Variants in FECH observed in about 807,000 individuals in gnomAD.
The protein encoded by FECH is ferrochelatase.
FECH carries 40 observed loss-of-function variants against 56.9 expected under a neutral mutation model. The ratio of observed to expected loss-of-function variants is 0.70; its 90% CI spans 0.55 to 0.92. FECH has a LOEUF of 0.92. FECH is among the 40% of genes least tolerant of loss of function. The probability of loss-of-function intolerance (pLI) is 0.00; values close to 1 mark genes in which losing one functional copy is unlikely to be tolerated. For synonymous variants in FECH, 175 were observed against 198.6 expected (o/e 0.88, Z 1.00); for missense variants, 431 against 529.1 (o/e 0.81, Z 1.82).
chr18:57,554,136 G>T, intron 9 of FECH, 124 bp downstream of exon 9: 1 of 1,032,620 alleles, frequency 9.7e-7, no homozygotes, highest in Non-Finnish European at 1.5e-6. Flanking sequence ...TCAGGAGAAT[G>T]AGGACACCGT....
intron 1 of FECH, among the ~76,000 whole-genome samples, chr18:57,582,465 T>TA (rs1224783299): frequency 6.6e-6 from 1 of 151,628 alleles, no homozygotes; most frequent in Non-Finnish European, 1.5e-5. Flanking sequence ...CCTTCAAACC[T>TA]AAAAAAAGGA....
At chr18:57,561,670 G>T (rs2050945267) in intron 6 of FECH, among the ~76,000 whole-genome samples, 1 of 152,090 alleles carries the variant, frequency 6.6e-6, no homozygotes, top group South Asian at 2.1e-4. Context: ...CTTTTCAAAG[G>T]GCTGAATTTT....
intron 2 of FECH, among the ~76,000 whole-genome samples, chr18:57,575,496 G>A (rs1159933354): frequency 6.6e-6 from 1 of 152,092 alleles, no homozygotes; most frequent in East Asian, 1.9e-4. Flanking sequence ...AGGCTGGAGT[G>A]CAGTTGCACA....
intron 4 of FECH, among the ~76,000 whole-genome samples, chr18:57,568,550 C>T (rs1273002632): frequency 6.6e-6 from 1 of 152,148 alleles, no homozygotes; most frequent in East Asian, 1.9e-4. Flanking sequence ...CTGGCTGTCC[C>T]TGGAAGGATG....
At chr18:57,572,922 C>A (rs768600746) in intron 3 of FECH, 2 of 298,128 alleles carry the variant, frequency 6.7e-6, no homozygotes, top group Non-Finnish European at 1.3e-5. Flanking sequence ...TCATTGCTTC[C>A]CTGAGTGTTA....
chr18:57,545,729 A>G lies in FECH; in HGVS notation c.*4983T>C, dbSNP rs978518932. Among the ~76,000 whole-genome samples the G allele has an allele frequency of 1.3e-5, 2 of 152,230 alleles. No homozygotes were observed. The highest frequency in any genetic ancestry group is 2.9e-5 in the Non-Finnish European group (2 of 68,042). On this transcript the variant is annotated 3_prime_UTR_variant, in exon 11 of 11. Coordinates refer to ENST00000262093, the MANE Select transcript of FECH (RefSeq NM_000140.5). ...TAGCTCTACACACTTTATATTTTGC[A>G]AAATACGTGCATATGGAAAAGAAGC...
At chr18:57,559,304 G>T (rs1460147118) in intron 6 of FECH, 61 bp from the exon 7 acceptor site, 16 of 1,210,596 alleles carry the variant, frequency 1.3e-5, no homozygotes, top group Non-Finnish European at 1.8e-5. Context: ...GAAGGAAAAA[G>T]AAAATAATTT....
rs766030808 is a variant in FECH at position 57,586,650 on chromosome 18, C to G, written c.-30G>C. ...TGGGCAGCCTCGGCCCGAGTCCGGG[C>G]TCCTCCCGCGGCGGCGCGCCCAGGT... On this transcript the variant is annotated 5_prime_UTR_variant, in exon 1 of 11. Coordinates refer to ENST00000262093, the MANE Select transcript of FECH (RefSeq NM_000140.5). 4.3e-5 allele frequency: 64 copies of G among 1,491,684 alleles called. No homozygotes were observed. The African/African-American group carries it at 8.0e-4, about 19-fold the overall frequency. 92.4% of individuals were successfully genotyped at this position (1,491,684 alleles called of 1,614,324 possible). A position where few individuals can be genotyped will look rare whatever the true frequency, so the allele number is the denominator to read the frequency against.
chr18:57,564,661 T>C (rs2050993691), intron 5 of FECH, among the ~76,000 whole-genome samples: 1 of 152,162 alleles, frequency 6.6e-6, no homozygotes, highest in South Asian at 2.1e-4. Flanking sequence ...ATACAGTGAA[T>C]CAGAAGAATT....
At chr18:57,575,554 C>T (rs1272433170) in intron 2 of FECH, among the ~76,000 whole-genome samples, 4 of 152,194 alleles carry the variant, frequency 2.6e-5, no homozygotes, top group Non-Finnish European at 4.4e-5. Flanking sequence ...GTGATCCTCC[C>T]GCTTCGGCCT....
rs74574837 is a variant in FECH, at chr18:57,562,475, C to T, written c.705+399G>A. On this transcript the variant is annotated intron_variant, in intron 6 of 10. Transcript: ENST00000262093. ...AGAACATGTAGATATATTACTTTTACATTATTAAAATCGTTTGACATTTTA... is the reference window on the plus strand; with the variant it reads ...AGAACATGTAGATATATTACTTTTATATTATTAAAATCGTTTGACATTTTA... Among the ~76,000 whole-genome samples the T allele has an allele frequency of 4.3e-3, 648 of 152,214 alleles. 2 individuals carry two copies. Among genetic ancestry groups the T allele is most frequent in the African/African-American group, 0.015 (614 of 41,536 alleles).
Position 57,546,959 on chromosome 18 carries a change from CAAA to C in FECH, c.*3750_*3752del, listed in dbSNP as rs1245302687. On this transcript the variant is annotated 3_prime_UTR_variant, in exon 11 of 11. Transcript: ENST00000262093. ...TGGGCAACAGAGCGAGACTCCATCT[CAAA>C]AAAAAAAAAAAAAAATTTAAGGAGT... Among the ~76,000 whole-genome samples the C allele has an allele frequency of 8.9e-6, 1 of 112,942 alleles. No individual in the cohort carries two copies. 74.1% of individuals were successfully genotyped at this position (112,942 alleles called of 152,430 possible).
intron 7 of FECH, among the ~76,000 whole-genome samples, chr18:57,555,882 A>G (rs946470794): frequency 4.6e-5 from 7 of 152,230 alleles, no homozygotes; most frequent in African/African-American, 1.7e-4. Context: ...TAATCCCAGC[A>G]CTTTGGGAGG....
At chr18:57,551,849 A>G (rs2050802765) in intron 9 of FECH, among the ~76,000 whole-genome samples, 1 of 151,868 alleles carries the variant, frequency 6.6e-6, no homozygotes, top group East Asian at 1.9e-4. Flanking sequence ...CTACACTGGA[A>G]CCAATTCAGA....
At position 57,551,304 on chromosome 18, in the gene FECH, A is replaced by C; in HGVS notation, c.1137+11T>G. 1 of 1,595,988 alleles carries C rather than the reference A, an allele frequency of 6.3e-7. No homozygotes were observed. The highest frequency in any genetic ancestry group is 8.6e-7 in the Non-Finnish European group (1 of 1,163,618). On this transcript the variant is annotated intron_variant, in intron 10 of 10. Coordinates refer to ENST00000262093, the MANE Select transcript of FECH (RefSeq NM_000140.5). ...TATGTTCTACTAAAACGATTGTAAC[A>C]CTGTAGATACCTTAGAGAACAATGG...
At chr18:57,569,690 TG>T (rs1002184867) in intron 4 of FECH, among the ~76,000 whole-genome samples, 3 of 152,100 alleles carry the variant, frequency 2.0e-5, no homozygotes, top group African/African-American at 7.2e-5. Context: ...CCCAAACTGC[TG>T]GGGTGTGCCC....
rs80234817 is a variant in FECH at position 57,580,648 on chromosome 18, G to A, written c.68-449C>T. ...TCCTTTCTGCCTCCAAGCCTTCTTC[G>A]GAAAGCACTCGTGCTGAGAACCCAG... On this transcript the variant is annotated intron_variant, in intron 1 of 10. Transcript: ENST00000262093. Among the ~76,000 whole-genome samples the A allele has an allele frequency of 2.6e-3, 400 of 152,190 alleles. 4 individuals carry two copies. Among genetic ancestry groups the A allele is most frequent in the African/African-American group, 9.2e-3 (382 of 41,526 alleles).
At chr18:57,573,659 G>A (rs1021299088) in intron 2 of FECH, among the ~76,000 whole-genome samples, 6 of 152,048 alleles carry the variant, frequency 3.9e-5, no homozygotes, top group African/African-American at 1.5e-4. Flanking sequence ...GAACCTTTAG[G>A]GACTGGGAGT....
chr18:57,583,120 C>T (rs1014722827), intron 1 of FECH, among the ~76,000 whole-genome samples: 11 of 152,224 alleles, frequency 7.2e-5, no homozygotes, highest in African/African-American at 2.6e-4. Context: ...CACTCAGGTT[C>T]GTTAATACAC....
Sources: gnomAD v4.1 joint callset for allele counts (sites outside exome capture counted in the v4.1 genomes callset) on GRCh38, gnomAD v4.1.1 for gene constraint, MANE v1.5 for transcripts, NCBI Gene and HGNC (gene_info 2026-07-23, HGNC 2026-07-21) for gene names.